Variants in CPNE8 observed in about 807,000 individuals in gnomAD.
The protein encoded by CPNE8 is copine 8.
In CPNE8, 45 loss-of-function variants were observed where a neutral mutation model predicts 81.5. The ratio of observed to expected loss-of-function variants is 0.55; its 90% CI spans 0.44 to 0.71. The LOEUF (loss-of-function observed/expected upper bound fraction) is 0.71. CPNE8 is among the 30% of genes least tolerant of loss of function. CPNE8 has a pLI of 0.00. For synonymous variants in CPNE8, 252 were observed against 226.3 expected (o/e 1.11, Z -1.02); for missense variants, 594 against 672.1 (o/e 0.88, Z 1.28).
intron 3 of CPNE8, among the ~76,000 whole-genome samples, chr12:38,868,136 A>T (rs1943942581): frequency 6.6e-6 from 1 of 152,090 alleles, no homozygotes; most frequent in South Asian, 2.1e-4. Context: ...TACAAACATA[A>T]CCACTATATT....
At chr12:38,769,061 T>G (rs978682346) in intron 7 of CPNE8, among the ~76,000 whole-genome samples, 1 of 152,188 alleles carries the variant, frequency 6.6e-6, no homozygotes, top group Non-Finnish European at 1.5e-5. Flanking sequence ...TGATGCTACC[T>G]TTATCATTCA....
intron 6 of CPNE8, among the ~76,000 whole-genome samples, chr12:38,812,496 A>G (rs1942954355): frequency 6.6e-6 from 1 of 152,170 alleles, no homozygotes; most frequent in Non-Finnish European, 1.5e-5. Context: ...CCTTATAAAA[A>G]CCATCAGATC....
At chr12:38,905,207 C>A (rs1039393447) in intron 1 of CPNE8, among the ~76,000 whole-genome samples, 1 of 152,190 alleles carries the variant, frequency 6.6e-6, no homozygotes, top group African/African-American at 2.4e-5. Context: ...ACTTTTACAG[C>A]GTTTCCCAGA....
At chr12:38,787,243 T>G (rs75543123) in intron 6 of CPNE8, among the ~76,000 whole-genome samples, 220 of 152,052 alleles carry the variant, frequency 1.4e-3, no homozygotes, top group African/African-American at 5.2e-3. Flanking sequence ...AAAATTGAAA[T>G]AATATTAAGC....
At chr12:38,798,557 C>A (rs1318543012) in intron 6 of CPNE8, among the ~76,000 whole-genome samples, 2 of 152,002 alleles carry the variant, frequency 1.3e-5, no homozygotes, top group Admixed American at 6.6e-5. Context: ...AAGCACTAAA[C>A]ATGGAAAGAA....
chr12:38,825,020 T>G (rs539886403), intron 6 of CPNE8, among the ~76,000 whole-genome samples: 2 of 152,290 alleles, frequency 1.3e-5, no homozygotes, highest in South Asian at 4.1e-4. Context: ...CAGGGCAGGT[T>G]CACACAGCAA....
At chr12:38,887,604 C>T (rs571246690) in intron 1 of CPNE8, among the ~76,000 whole-genome samples, 537 of 152,198 alleles carry the variant, frequency 3.5e-3, no homozygotes, top group Non-Finnish European at 5.6e-3. Flanking sequence ...AGTTGAATAT[C>T]TGTATAAAAA....
chr12:38,698,943 T>C (rs753442222), intron 14 of CPNE8, among the ~76,000 whole-genome samples: 1 of 152,228 alleles, frequency 6.6e-6, no homozygotes, highest in Non-Finnish European at 1.5e-5. Flanking sequence ...CAGACTTTGA[T>C]AAGGATTGCT....
At chr12:38,893,663 C>T (rs1224895072) in intron 1 of CPNE8, among the ~76,000 whole-genome samples, 6 of 152,162 alleles carry the variant, frequency 3.9e-5, no homozygotes, top group South Asian at 2.1e-4. Context: ...CTTTCTTTCA[C>T]GAGATCCAAG....
chr12:38,699,409 T>A (rs1401870828), intron 14 of CPNE8, among the ~76,000 whole-genome samples: 1 of 152,248 alleles, frequency 6.6e-6, no homozygotes, highest in Non-Finnish European at 1.5e-5. Context: ...TATATTGTTA[T>A]GTGCCCCGAT....
intron 19 of CPNE8, among the ~76,000 whole-genome samples, chr12:38,666,327 A>T (rs1400157137): frequency 1.3e-4 from 20 of 152,224 alleles, no homozygotes; most frequent in Admixed American, 1.3e-3. Flanking sequence ...GGAAATCTGG[A>T]TCTACCAACT....
At chr12:38,799,901 C>G (rs1284968174) in intron 6 of CPNE8, among the ~76,000 whole-genome samples, 5 of 151,876 alleles carry the variant, frequency 3.3e-5, no homozygotes, top group Non-Finnish European at 7.4e-5. Flanking sequence ...GTGACTGACG[C>G]ACCTGGAAAA....
At chr12:38,787,014 C>T (rs1481568098) in intron 6 of CPNE8, among the ~76,000 whole-genome samples, 1 of 152,098 alleles carries the variant, frequency 6.6e-6, no homozygotes, top group Non-Finnish European at 1.5e-5. Context: ...TAGCTGAAGA[C>T]TTGAACATCC....
At chr12:38,748,165 C>T (rs907477987) in intron 10 of CPNE8, among the ~76,000 whole-genome samples, 2 of 151,994 alleles carry the variant, frequency 1.3e-5, no homozygotes, top group Non-Finnish European at 2.9e-5. Flanking sequence ...CATGAGCCAC[C>T]ACGCCCAGCT....
intron 6 of CPNE8, among the ~76,000 whole-genome samples, chr12:38,808,395 A>C (rs1003708152): frequency 2.2e-4 from 33 of 152,114 alleles, no homozygotes; most frequent in Non-Finnish European, 4.6e-4. Flanking sequence ...AAAATGTGGC[A>C]CATATACACC....
At chr12:38,806,051 A>C (rs1942793888) in intron 6 of CPNE8, among the ~76,000 whole-genome samples, 2 of 150,434 alleles carry the variant, frequency 1.3e-5, no homozygotes, top group African/African-American at 4.8e-5. Flanking sequence ...AGACTAAAGC[A>C]GGAAGAAGTT....
intron 13 of CPNE8, among the ~76,000 whole-genome samples, chr12:38,708,316 A>T (rs754955189): frequency 3.9e-5 from 6 of 151,980 alleles, no homozygotes; most frequent in Non-Finnish European, 7.4e-5. Context: ...ACCCTTTTTC[A>T]TTCTCTAATA....
chr12:38,761,518 C>A (rs540849852), intron 9 of CPNE8, among the ~76,000 whole-genome samples: 4 of 152,242 alleles, frequency 2.6e-5, no homozygotes, highest in Admixed American at 2.6e-4. Context: ...AATAATAGTT[C>A]TATGATATGG....
intron 1 of CPNE8, among the ~76,000 whole-genome samples, chr12:38,875,744 G>T (rs184729714): frequency 6.6e-6 from 1 of 152,254 alleles, no homozygotes; most frequent in Admixed American, 6.5e-5. Context: ...TCCTAGAAAG[G>T]AGAAACATCA....
Sources: allele counts gnomAD v4.1 joint callset (sites outside exome capture counted in the v4.1 genomes callset), GRCh38; gene constraint gnomAD v4.1.1; transcripts MANE v1.5; gene names NCBI Gene and HGNC (gene_info 2026-07-23, HGNC 2026-07-21).